Variants in LNX1 observed in about 807,000 individuals in gnomAD.
LNX1 encodes ligand of numb-protein X 1, also known as E3 ubiquitin-protein ligase LNX.
LNX1 carries 54 observed loss-of-function variants against 68.4 expected under a neutral mutation model. That is an observed-to-expected ratio of 0.79 (90% CI 0.63 to 0.99). The LOEUF (loss-of-function observed/expected upper bound fraction) is 0.99, where lower values mean the gene tolerates loss of function less well. LNX1 is among the 50% of genes least tolerant of loss of function. The pLI, the probability that LNX1 is intolerant of heterozygous loss-of-function variation, is 0.00. For missense variants in LNX1, 906 were observed against 926.4 expected, an observed-to-expected ratio of 0.98 and a Z score of 0.29; for synonymous variants, 336 against 350.0, an observed-to-expected ratio of 0.96 and a Z score of 0.45.
At chr4:53,544,440 C>A (rs1728961516) in intron 2 of LNX1, among the ~76,000 whole-genome samples, 1 of 152,086 alleles carries the variant, frequency 6.6e-6, no homozygotes, top group African/African-American at 2.4e-5. Flanking sequence ...GGTGATCCAC[C>A]CCTTCGGCCT....
intron 2 of LNX1, among the ~76,000 whole-genome samples, chr4:53,512,233 G>A (rs1726397363): frequency 6.6e-6 from 1 of 152,026 alleles, no homozygotes; most frequent in Non-Finnish European, 1.5e-5. Flanking sequence ...AAATTTGGAA[G>A]TTTTTCAATG....
intron 9 of LNX1, among the ~76,000 whole-genome samples, chr4:53,471,407 T>G (rs1045915123): frequency 6.6e-6 from 1 of 152,096 alleles, no homozygotes; most frequent in African/African-American, 2.4e-5. Flanking sequence ...AACCTAGGCA[T>G]TACCATTCAG....
At chr4:53,576,184 T>C in intron 1 of LNX1, 1 of 1,580,648 alleles carries the variant, frequency 6.3e-7, no homozygotes, top group East Asian at 2.3e-5. Flanking sequence ...CTTTCAGTGG[T>C]GGGTGGATGT....
At chr4:53,508,446 C>T (rs1726088060) in intron 2 of LNX1, 1 of 563,898 alleles carries the variant, frequency 1.8e-6, no homozygotes, top group Admixed American at 3.1e-5. Context: ...TTAAAGACGC[C>T]CACTGCATTC....
At position 53,506,905 on chromosome 4, in the gene LNX1, T is replaced by C. The variant is rs191657623; in HGVS notation, c.775+412A>G. ...AATAATAGTAGCTACCTCATAGGGT[T>C]GTTGTGAGGCTTAAATGAGGAAATG... On this transcript the variant is annotated intron_variant, in intron 4 of 10. Coordinates refer to ENST00000263925, the MANE Select transcript of LNX1 (RefSeq NM_001126328.3). Among the ~76,000 whole-genome samples the C allele has an allele frequency of 7.5e-3, 1,002 of 132,756 alleles. 15 individuals are homozygous for C. The highest frequency in any genetic ancestry group is 0.025 in the African/African-American group (934 of 37,400). The allele number at this position is 132,756 out of a possible 152,430, so 87.1% of individuals were successfully genotyped here. A position where few individuals can be genotyped will look rare whatever the true frequency, so the allele number is the denominator to read the frequency against.
chr4:53,637,835 A>T (rs1734538732), intron 1 of LNX1, among the ~76,000 whole-genome samples: 1 of 152,192 alleles, frequency 6.6e-6, no homozygotes, highest in South Asian at 2.1e-4. Flanking sequence ...GTTAAAGACT[A>T]GGCTGCTGAC....
rs995710372 is a variant in LNX1, at chr4:53,460,620, A to T, written c.*287T>A. 3.2e-6 allele frequency: 1 copy of T among 315,790 alleles called. No individual in the cohort carries two copies. The highest frequency in any genetic ancestry group is 2.4e-5 in the African/African-American group (1 of 42,342). 19.6% of individuals were successfully genotyped at this position (315,790 alleles called of 1,614,324 possible). On this transcript the variant is annotated 3_prime_UTR_variant, in exon 11 of 11. Coordinates refer to ENST00000263925, the MANE Select transcript of LNX1 (RefSeq NM_001126328.3). ...TAAATCAGCTTGAATTCAGTGGGGT[A>T]TACAAATCATTTTAGTTGTTTTAGG... is the stretch of plus-strand genomic sequence containing the variant.
intron 2 of LNX1, among the ~76,000 whole-genome samples, chr4:53,596,735 G>A (rs1352763452): frequency 6.6e-6 from 1 of 152,064 alleles, no homozygotes; most frequent in Non-Finnish European, 1.5e-5. Flanking sequence ...ACTTCATCCT[G>A]AAGGCTTCCA....
chr4:53,628,540 G>T lies in LNX1; in HGVS notation c.-215+23628C>A, dbSNP rs114373398. Among the ~76,000 whole-genome samples, 1,063 of 152,274 alleles carry T rather than the reference G, an allele frequency of 7.0e-3. 12 individuals carry two copies. Among genetic ancestry groups the T allele is most frequent in the African/African-American group, 0.024 (1,001 of 41,576 alleles). On this transcript the variant is annotated intron_variant, in intron 1 of 2. Coordinates refer to the LNX1 transcript ENST00000507168. The stretch of plus-strand genomic sequence containing the variant: ...AGGGGAATGCTGGCTGGAATGTAAA[G>T]CACAACCTCTATAGAAAACAGTATG...
chr4:53,584,719 G>A (rs973565670), intron 1 of LNX1, among the ~76,000 whole-genome samples: 5 of 152,122 alleles, frequency 3.3e-5, no homozygotes, highest in African/African-American at 1.2e-4. Context: ...GATTTTGATC[G>A]GTTAAGGAAC....
intron 2 of LNX1, among the ~76,000 whole-genome samples, chr4:53,533,331 A>G (rs1577672919): frequency 6.6e-6 from 1 of 152,208 alleles, no homozygotes; most frequent in African/African-American, 2.4e-5. Context: ...CCCTTTAGCA[A>G]TTAGAATCCC....
chr4:53,476,420 G>A (rs1315412227), intron 9 of LNX1, among the ~76,000 whole-genome samples: 1 of 152,222 alleles, frequency 6.6e-6, no homozygotes, highest in Non-Finnish European at 1.5e-5. Context: ...TCCAAGGGGT[G>A]TAAACACAGG....
intron 2 of LNX1, among the ~76,000 whole-genome samples, chr4:53,542,329 G>C (rs189326123): frequency 4.6e-5 from 7 of 152,302 alleles, no homozygotes; most frequent in African/African-American, 1.4e-4. Context: ...TTGTAATTAA[G>C]AATACAAAGG....
intron 7 of LNX1, among the ~76,000 whole-genome samples, chr4:53,479,175 G>A (rs1431460395): frequency 6.6e-6 from 1 of 152,216 alleles, no homozygotes; most frequent in African/African-American, 2.4e-5. Flanking sequence ...ACAAGCATGA[G>A]CCACTGCTCC....
At chr4:53,558,204 G>A (rs1488993228) in intron 2 of LNX1, 2 of 1,300,914 alleles carry the variant, frequency 1.5e-6, no homozygotes, top group Non-Finnish European at 9.8e-7. Context: ...CGGTTGGCGA[G>A]AGAGCTTAGG....
At position 53,497,333 on chromosome 4, in the gene LNX1, T is replaced by A. The variant is rs145254515; in HGVS notation, c.979-939A>T. Reference sequence around the variant, plus strand: ...AGGCCCCATGGAGGAGAAATAACTTTCTTGAATTTCTGTAGTTTGATAAGA... The same window carrying A: ...AGGCCCCATGGAGGAGAAATAACTTACTTGAATTTCTGTAGTTTGATAAGA... On this transcript the variant is annotated intron_variant, in intron 5 of 10. Coordinates refer to ENST00000263925, the MANE Select transcript of LNX1 (RefSeq NM_001126328.3). 2.0e-3 allele frequency among the ~76,000 whole-genome samples: 312 copies of A among 152,334 alleles called. 11 individuals are homozygous for A. The East Asian group carries it at 0.055, about 27-fold the overall frequency.
chr4:53,498,589 G>T, intron 5 of LNX1, 52 bp downstream of exon 5: 1 of 1,380,688 alleles, frequency 7.2e-7, no homozygotes, highest in Non-Finnish European at 1.0e-6. Context: ...TTGCTCAGAA[G>T]CATTTTTTTA....
Position 53,573,436 on chromosome 4 carries a change from A to G in LNX1, c.380+187T>C, listed in dbSNP as rs1220614809. Among the ~76,000 whole-genome samples the G allele has an allele frequency of 2.0e-5, 3 of 152,360 alleles. No individual in the cohort carries two copies. The South Asian group carries it at 6.2e-4, about 32-fold the overall frequency. On this transcript the variant is annotated intron_variant, in intron 2 of 10. Coordinates refer to ENST00000263925, the MANE Select transcript of LNX1 (RefSeq NM_001126328.3). Reference sequence around the variant, plus strand: ...GAATTTTAAAAAATCCCATAAACACATACATACAACACAACTCCACCAAAT... The same window carrying G: ...GAATTTTAAAAAATCCCATAAACACGTACATACAACACAACTCCACCAAAT...
intron 1 of LNX1, 84 bp from the exon 2 acceptor site, chr4:53,574,172 A>G (rs1731345538): frequency 3.9e-6 from 4 of 1,017,458 alleles, no homozygotes; most frequent in Non-Finnish European, 2.8e-6. Flanking sequence ...AGGGCTGCCA[A>G]TGCATGGGGA....
Sources: gnomAD v4.1 joint callset for allele counts (sites outside exome capture counted in the v4.1 genomes callset) on GRCh38, gnomAD v4.1.1 for gene constraint, MANE v1.5 for transcripts, NCBI Gene and HGNC (gene_info 2026-07-23, HGNC 2026-07-21) for gene names.